The following SPRY3 variants were observed in gnomAD, a reference collection of about 807,000 sequenced individuals.
SPRY3 encodes the protein sprouty RTK signaling antagonist 3.
Under a neutral mutation model 20.2 loss-of-function variants are expected in SPRY3, and 15 were observed. The ratio of observed to expected loss-of-function variants is 0.74; its 90% confidence interval spans 0.50 to 1.14. The LOEUF (loss-of-function observed/expected upper bound fraction) is 1.14. Ranked by LOEUF, SPRY3 falls within the 50% of genes most tolerant of loss-of-function variation. The probability of loss-of-function intolerance (pLI) is 0.00; values close to 1 mark genes in which losing one functional copy is unlikely to be tolerated. For missense variants in SPRY3, 364 were observed against 363.9 expected, an observed-to-expected ratio of 1.00 and a Z score of 0.00; for synonymous variants, 143 against 136.5, an observed-to-expected ratio of 1.05 and a Z score of -0.33.
chrX:155,725,657 G>A (rs2091092315), intron 2 of SPRY3, among the ~76,000 whole-genome samples: 1 of 152,086 alleles, frequency 6.6e-6, no homozygotes, highest in Admixed American at 6.5e-5. Flanking sequence ...TGTGGGATGG[G>A]TGGTGATATC....
intron 2 of SPRY3, among the ~76,000 whole-genome samples, chrX:155,753,834 C>T (rs2091273540): frequency 6.6e-6 from 1 of 151,844 alleles, no homozygotes. Context: ...TTTGCATTCC[C>T]CTAATGACTG....
intron 1 of SPRY3, among the ~76,000 whole-genome samples, chrX:155,626,430 T>A: frequency 8.9e-6 from 1 of 111,857 alleles, no homozygotes; most frequent in Non-Finnish European, 1.9e-5. Context: ...GTAAGAGCAT[T>A]TTACATATTC....
intron 2 of SPRY3, among the ~76,000 whole-genome samples, chrX:155,748,773 C>T (rs2091242513): frequency 6.6e-6 from 1 of 151,748 alleles, no homozygotes; most frequent in Admixed American, 6.6e-5. Context: ...TTCTCTCTTT[C>T]CACGTACAAT....
chrX:155,774,474 T>C, exon 4 of SPRY3: 1 of 1,614,002 alleles, frequency 6.2e-7, no homozygotes, highest in Non-Finnish European at 8.5e-7. Flanking sequence ...GCTCCACTGA[T>C]GATGAAGACA....
chrX:155,759,257 C>A (rs941208037), intron 2 of SPRY3, among the ~76,000 whole-genome samples: 1 of 152,050 alleles, frequency 6.6e-6, no homozygotes, highest in Non-Finnish European at 1.5e-5. Context: ...CTCCTGACCT[C>A]AAGTGATCCA....
At chrX:155,762,007 T>A (rs1289774540) in intron 2 of SPRY3, among the ~76,000 whole-genome samples, 1 of 152,152 alleles carries the variant, frequency 6.6e-6, no homozygotes, top group Non-Finnish European at 1.5e-5. Context: ...TCCTGTCTTG[T>A]CACTTAAATT....
At chrX:155,670,840 T>C (rs1411732788) in intron 2 of SPRY3, among the ~76,000 whole-genome samples, 1 of 111,756 alleles carries the variant, frequency 8.9e-6, no homozygotes, top group Non-Finnish European at 1.9e-5. Context: ...CTACAAGCCT[T>C]TTATTGCAAT....
chrX:155,704,423 T>C (rs751732634), intron 2 of SPRY3, among the ~76,000 whole-genome samples: 1 of 151,858 alleles, frequency 6.6e-6, no homozygotes, highest in Non-Finnish European at 1.5e-5. Flanking sequence ...ACAAAATCCA[T>C]AGACCTTAAA....
intron 2 of SPRY3, among the ~76,000 whole-genome samples, chrX:155,757,815 C>T (rs1488996801): frequency 6.6e-6 from 1 of 152,150 alleles, no homozygotes; most frequent in Non-Finnish European, 1.5e-5. Flanking sequence ...CACGCACCTC[C>T]ACCAAATTTA....
chrX:155,781,174 T>A (rs1290507978), downstream of SPRY3: 1 of 166,902 alleles, frequency 6.0e-6, no homozygotes, highest in Non-Finnish European at 1.5e-5. Context: ...AGTTAGAATA[T>A]GCCACTAACA....
intron 2 of SPRY3, among the ~76,000 whole-genome samples, chrX:155,684,804 T>G (rs1048553407): frequency 7.2e-5 from 8 of 111,640 alleles, no homozygotes; most frequent in Non-Finnish European, 1.1e-4. Context: ...GAAAGCAGGT[T>G]TGCTGGTTTT....
chrX:155,778,773 A>C (rs1490539759), downstream of SPRY3: 1 of 167,062 alleles, frequency 6.0e-6, no homozygotes, highest in Non-Finnish European at 1.5e-5. Flanking sequence ...TAGCTGGAGA[A>C]AGGGATGCAC....
chrX:155,645,012 C>T (rs1435198635), intron 1 of SPRY3, among the ~76,000 whole-genome samples: 6 of 109,400 alleles, frequency 5.5e-5, no homozygotes, highest in African/African-American at 2.0e-4. Flanking sequence ...GGTATCTCTG[C>T]TGGTTATTCA....
chrX:155,674,313 A>C (rs1258283638), intron 2 of SPRY3, among the ~76,000 whole-genome samples: 2 of 109,245 alleles, frequency 1.8e-5, no homozygotes, highest in African/African-American at 3.3e-5. Flanking sequence ...CAAAGACAAT[A>C]ACCAATTTGG....
chrX:155,758,719 TA>T (rs2124589557), intron 2 of SPRY3, among the ~76,000 whole-genome samples: 1 of 152,308 alleles, frequency 6.6e-6, no homozygotes, highest in Non-Finnish European at 1.5e-5. Flanking sequence ...ATGTGTTTTA[TA>T]AAAACAAAAC....
chrX:155,649,997 C>T (rs1557352231), intron 1 of SPRY3, among the ~76,000 whole-genome samples: 1 of 111,468 alleles, frequency 9.0e-6, no homozygotes, highest in African/African-American at 3.3e-5. Flanking sequence ...CATGAGTGAA[C>T]TCCCATTCAC....
chrX:155,675,623 A>C (rs2068056790), intron 2 of SPRY3, among the ~76,000 whole-genome samples: 1 of 111,650 alleles, frequency 9.0e-6, no homozygotes, highest in Non-Finnish European at 1.9e-5. Context: ...CATCCAAATG[A>C]CTATAAATTA....
intron 2 of SPRY3, among the ~76,000 whole-genome samples, chrX:155,713,344 T>C (rs1245178530): frequency 6.6e-6 from 1 of 152,112 alleles, no homozygotes; most frequent in Non-Finnish European, 1.5e-5. Context: ...CATTAATGTC[T>C]TTTTCTTTCA....
At chrX:155,732,078 A>G (rs1301707277) in intron 2 of SPRY3, among the ~76,000 whole-genome samples, 1 of 152,080 alleles carries the variant, frequency 6.6e-6, no homozygotes, top group Non-Finnish European at 1.5e-5. Context: ...ATGTCACGTT[A>G]ACATTGTTCT....
Sources: gnomAD v4.1 joint callset for allele counts (sites outside exome capture counted in the v4.1 genomes callset) on GRCh38, gnomAD v4.1.1 for gene constraint, MANE v1.5 for transcripts, NCBI Gene and HGNC (gene_info 2026-07-23, HGNC 2026-07-21) for gene names.